CERS4: variants seen among roughly 807,000 people sequenced by gnomAD.
CERS4 encodes LAG1 homolog, ceramide synthase 4.
In CERS4, 65 loss-of-function variants were observed where a neutral mutation model predicts 51.8. That is an observed-to-expected ratio of 1.26 (90% confidence interval 1.03 to 1.54). The LOEUF is 1.54. Ranked by LOEUF, CERS4 falls within the 40% of genes most tolerant of loss-of-function variation. The probability of loss-of-function intolerance (pLI) is 0.00; values close to 1 mark genes in which losing one functional copy is unlikely to be tolerated. For missense variants in CERS4, 563 were observed against 500.4 expected (o/e 1.13, Z -1.19); for synonymous variants, 228 against 208.4 (o/e 1.09, Z -0.81).
chr19:8,226,730 C>T (rs1484067980), intron 2 of CERS4, among the ~76,000 whole-genome samples: 2 of 152,138 alleles, frequency 1.3e-5, no homozygotes, highest in Admixed American at 6.6e-5. Flanking sequence ...CAGTGGCTCA[C>T]GCCTGTAATC....
Position 8,255,829 on chromosome 19 carries a change from T to C in CERS4, c.418T>C (p.Phe140Leu), listed in dbSNP as rs1157456953. Residue 140 changes from phenylalanine (F) to leucine (L), a missense_variant, in exon 6 of 12, where the codon TTT (phenylalanine) becomes CTT (leucine). By Grantham distance (22) the Phe-to-Leu change is conservative. Coordinates refer to ENST00000251363, the MANE Select transcript of CERS4 (RefSeq NM_024552.3). ...CTCCCTCCCCATCCACAGCTGGAGGTTTCTCTTCTACCTGTCCTCCTTCGT... is the reference window on the plus strand; with the variant it reads ...CTCCCTCCCCATCCACAGCTGGAGGCTTCTCTTCTACCTGTCCTCCTTCGT... ...TKKFCEASWR[F>L]LFYLSSFVGG... The C allele has an allele frequency of 6.2e-7, 1 of 1,613,646 alleles. No homozygotes were observed. The highest frequency in any genetic ancestry group is 1.7e-5 in the Admixed American group (1 of 59,966).
In CERS4 at chr19:8,238,047, CAAT is replaced by C. The variant is rs974978183; in HGVS notation, c.-1-13028_-1-13026del. Among the ~76,000 whole-genome samples, 355 of 151,930 alleles carry C rather than the reference CAAT, an allele frequency of 2.3e-3. 3 individuals carry two copies. Among genetic ancestry groups the C allele is most frequent in the African/African-American group, 8.2e-3 (338 of 41,464 alleles). On this transcript the variant is annotated intron_variant, in intron 2 of 11. Transcript: ENST00000251363. ...ACAATCAGATGGTAATCCCCCCCCA[CAAT>C]CCCTGCTCCACTACTCCACCTCTGG... is the stretch of plus-strand genomic sequence containing the variant.
intron 3 of CERS4, among the ~76,000 whole-genome samples, chr19:8,252,431 T>C (rs1483464666): frequency 1.3e-5 from 1 of 77,018 alleles, no homozygotes; most frequent in Non-Finnish European, 2.6e-5. Flanking sequence ...CATGCCACCA[T>C]GGCTGGCTAA....
intron 10 of CERS4, chr19:8,260,960 A>AC (rs1415227954): frequency 0.022 from 1,502 of 68,280 alleles, 42 homozygotes; most frequent in African/African-American, 0.075. Flanking sequence ...CAAAAAAAAA[A>AC]AAAAAAAAAA....
chr19:8,234,745 G>C (rs1968165423), intron 2 of CERS4, among the ~76,000 whole-genome samples: 1 of 151,212 alleles, frequency 6.6e-6, no homozygotes, highest in Admixed American at 6.6e-5. Flanking sequence ...GTAGAGGTGG[G>C]GTTTCACCTT....
chr19:8,241,011 G>A lies in CERS4; in HGVS notation c.-1-10065G>A, dbSNP rs74482784. On this transcript the variant is annotated intron_variant, in intron 2 of 11. Coordinates refer to ENST00000251363, the MANE Select transcript of CERS4 (RefSeq NM_024552.3). ...TCAAACAGCAGCCAGGCTTGGGGGC[G>A]GGTGGGGTGAGGGGAGAAGAGGCTG... Among the ~76,000 whole-genome samples, 559 of 152,208 alleles carry A rather than the reference G, an allele frequency of 3.7e-3. 4 individuals are homozygous for A. The highest frequency in any genetic ancestry group is 0.013 in the African/African-American group (528 of 41,538).
chr19:8,232,889 A>ATT (rs34774744), intron 2 of CERS4, among the ~76,000 whole-genome samples: 10 of 59,226 alleles, frequency 1.7e-4, no homozygotes, highest in African/African-American at 2.6e-4. Context: ...TGCCTCGCTG[A>ATT]TTTTTTTTTT....
At chr19:8,211,355 C>T (rs913753616) in intron 2 of CERS4, among the ~76,000 whole-genome samples, 1 of 152,134 alleles carries the variant, frequency 6.6e-6, no homozygotes, top group African/African-American at 2.4e-5. Flanking sequence ...CAAGCTTCTC[C>T]CTTTCCGACT....
At chr19:8,226,894 C>T (rs1048829996) in intron 2 of CERS4, among the ~76,000 whole-genome samples, 2 of 151,754 alleles carry the variant, frequency 1.3e-5, no homozygotes, top group African/African-American at 4.8e-5. Flanking sequence ...TTTGGGAGGC[C>T]GAGGCAGACG....
rs764074202 is a variant in CERS4, at chr19:8,256,702, A to T, written c.604A>T (p.Lys202Ter). 9.3e-6 allele frequency: 15 copies of T among 1,613,092 alleles called. 1 individual carries two copies. In the South Asian group the frequency reaches 1.6e-4, roughly 18 times the overall value. The change falls in exon 8 of 12, where the codon AAG (lysine) becomes TAG (stop). Residue 202 changes from lysine to a stop codon, truncating the protein, a stop_gained. Coordinates refer to ENST00000251363, the MANE Select transcript of CERS4 (RefSeq NM_024552.3). LOFTEE classifies it high-confidence loss of function. ...SLLIRLPFDV[K>*]RKDFKEQVIH... ...GCTAATCAGGCTGCCCTTTGATGTCAAGCGCAAGGTGAGGCCAAATAAGAG... is the reference window on the plus strand; with the variant it reads ...GCTAATCAGGCTGCCCTTTGATGTCTAGCGCAAGGTGAGGCCAAATAAGAG...
intron 2 of CERS4, among the ~76,000 whole-genome samples, chr19:8,247,800 T>C (rs6603158): frequency 0.91 from 136,549 of 149,998 alleles, 62,511 homozygotes; most frequent in Non-Finnish European, 0.96. Flanking sequence ...GTGGCATGAT[T>C]TCAACTCACT....
At chr19:8,256,864 T>G (rs917043335) in intron 8 of CERS4, 85 bp from the exon 9 acceptor site, 46 of 1,604,852 alleles carry the variant, frequency 2.9e-5, no homozygotes, top group Non-Finnish European at 3.6e-5. Context: ...ACCAACCCCC[T>G]GAAAGGACCC....
At chr19:8,251,280 C>T in intron 3 of CERS4, 31 bp downstream of exon 3, 1 of 1,546,432 alleles carries the variant, frequency 6.5e-7, no homozygotes. Flanking sequence ...AATCCATTGC[C>T]CCCGCAGTCG....
At chr19:8,251,393 C>G in intron 3 of CERS4, 144 bp downstream of exon 3, 1 of 1,362,648 alleles carries the variant, frequency 7.3e-7, no homozygotes. Flanking sequence ...CAGCCTGCCC[C>G]CAGCCGCCAC....
Position 8,216,505 on chromosome 19 carries a change from G to A in CERS4, c.-2+5643G>A, listed in dbSNP as rs371171490. Among the ~76,000 whole-genome samples, 10 of 151,870 alleles carry A rather than the reference G, an allele frequency of 6.6e-5. No homozygotes were observed. The East Asian group carries it at 1.6e-3, about 24-fold the overall frequency. On this transcript the variant is annotated intron_variant, in intron 2 of 11. Transcript: ENST00000251363. The stretch of plus-strand genomic sequence containing the variant: ...ATTATCAAAATGCAGGGCCAGATCA[G>A]GTGGCTCATGCCTGTAATCCCAGCA...
chr19:8,244,710 C>A (rs556096171), intron 2 of CERS4, among the ~76,000 whole-genome samples: 2 of 152,126 alleles, frequency 1.3e-5, no homozygotes, highest in Non-Finnish European at 2.9e-5. Context: ...CCAAGGGCAA[C>A]GGAACCCTCA....
chr19:8,211,403 T>G (rs1180369636), intron 2 of CERS4, among the ~76,000 whole-genome samples: 2 of 152,164 alleles, frequency 1.3e-5, no homozygotes, highest in African/African-American at 4.8e-5. Context: ...AGCCCTGTCC[T>G]GCCACTTTGA....
chr19:8,214,363 C>G (rs980743513), intron 2 of CERS4: 2 of 152,408 alleles, frequency 1.3e-5, no homozygotes, highest in African/African-American at 4.8e-5. Flanking sequence ...GATGTCCCCG[C>G]AGGGAGAAGG....
In CERS4 at chr19:8,250,362, A is replaced by C. The variant is rs188917634; in HGVS notation, c.-1-714A>C. Among the ~76,000 whole-genome samples, 35 of 152,248 alleles carry C rather than the reference A, an allele frequency of 2.3e-4. No homozygotes were observed. The East Asian group carries it at 4.8e-3, about 21-fold the overall frequency. The stretch of plus-strand genomic sequence containing the variant: ...AGTTAAGTGCAGAGTAATAACTACT[A>C]TTTTGGGCTGTGTTATTATTACTCT... On this transcript the variant is annotated intron_variant, in intron 2 of 11. Coordinates refer to ENST00000251363, the MANE Select transcript of CERS4 (RefSeq NM_024552.3).
Sources: allele counts gnomAD v4.1 joint callset (sites outside exome capture counted in the v4.1 genomes callset), GRCh38; gene constraint gnomAD v4.1.1; transcripts MANE v1.5; gene names NCBI Gene and HGNC (gene_info 2026-07-23, HGNC 2026-07-21).